The following ONECUT1 variants were observed in gnomAD, a reference collection of about 807,000 sequenced individuals.
ONECUT1 encodes one cut homeobox 1, also known as hepatocyte nuclear factor 6.
In ONECUT1, 12 loss-of-function variants were observed where a neutral mutation model predicts 25.6. The ratio of observed to expected loss-of-function variants is 0.47; its 90% CI spans 0.30 to 0.76. The LOEUF (loss-of-function observed/expected upper bound fraction) is 0.76. Ranked by LOEUF, ONECUT1 falls within the 30% of genes least tolerant of loss-of-function variation. ONECUT1 has a pLI of 0.07. For synonymous variants in ONECUT1, 285 were observed against 270.2 expected (o/e 1.05, Z -0.54); for missense variants, 620 against 651.2 (o/e 0.95, Z 0.52).
intron 1 of ONECUT1, among the ~76,000 whole-genome samples, chr15:52,772,818 T>G (rs147422979): frequency 1.3e-5 from 2 of 152,364 alleles, no homozygotes; most frequent in East Asian, 3.9e-4. Flanking sequence ...TAGTTTGTAC[T>G]GGGCTTGTTT....
At position 52,790,066 on chromosome 15, in the gene ONECUT1, CGTGTGTGTGT is replaced by C. The variant is rs72061188; in HGVS notation, c.-192_-183del. The C allele has an allele frequency of 2.9e-6, 2 of 697,558 alleles. No homozygotes were observed. Among genetic ancestry groups the C allele is most frequent in the South Asian group, 5.1e-5 (1 of 19,720 alleles). 43.2% of individuals were successfully genotyped at this position (697,558 alleles called of 1,614,324 possible). A position where few individuals can be genotyped will look rare whatever the true frequency, so the allele number is the denominator to read the frequency against. On this transcript the variant is annotated 5_prime_UTR_variant, in exon 1 of 2. Coordinates refer to ENST00000305901, the MANE Select transcript of ONECUT1 (RefSeq NM_004498.4). The stretch of plus-strand genomic sequence containing the variant: ...GTGTGTGTGTCCGTGTGTGCGTGTG[CGTGTGTGTGT>C]GTGTGTGTGTCTCGCCTTCCCTCTT...
intron 1 of ONECUT1, among the ~76,000 whole-genome samples, chr15:52,761,875 G>T (rs1176124468): frequency 1.3e-5 from 2 of 152,168 alleles, no homozygotes; most frequent in Non-Finnish European, 2.9e-5. Flanking sequence ...GTTTTATGAG[G>T]ATAGTAACCA....
In ONECUT1 at chr15:52,789,640, G is replaced by A; in HGVS notation, c.245C>T (p.Pro82Leu). The change falls in exon 1 of 2, where the codon CCC (proline) becomes CTC (leucine). Residue 82 changes from proline (P) to leucine (L), a missense_variant. Physicochemically the swap from Pro to Leu is moderately conservative, Grantham distance 98. Around this residue, in one of 4 missense-constraint regions of ONECUT1, gnomAD observed 440 missense variants for 404.9 expected, o/e 1.09. Transcript: ENST00000305901. The surrounding 1 kb of genome is among the most constrained non-coding windows in gnomAD (Gnocchi z 4.1). ...GGCCATGGTCATGGTGGGATGCAGG[G>A]GGCCGGCCAGGCTGTGCTCAGGGGC... is the stretch of plus-strand genomic sequence containing the variant. ...HRAPEHSLAGPLHPTMTMACE... is the reference protein window; with the variant it reads ...HRAPEHSLAGLLHPTMTMACE... 1 of 1,554,550 alleles carries A rather than the reference G, an allele frequency of 6.4e-7. No homozygotes were observed. The highest frequency in any genetic ancestry group is 8.7e-7 in the Non-Finnish European group (1 of 1,150,464).
At chr15:52,779,282 G>A (rs1399641881) in intron 1 of ONECUT1, among the ~76,000 whole-genome samples, 1 of 151,712 alleles carries the variant, frequency 6.6e-6, no homozygotes, top group Non-Finnish European at 1.5e-5. Context: ...TACAGACAGG[G>A]TTTCACCCTG....
At chr15:52,778,136 A>G (rs1396766903) in intron 1 of ONECUT1, among the ~76,000 whole-genome samples, 1 of 152,224 alleles carries the variant, frequency 6.6e-6, no homozygotes, top group Non-Finnish European at 1.5e-5. Flanking sequence ...TATATGTAAG[A>G]TATGAAGCAC....
rs1003518673 is a variant in ONECUT1, at chr15:52,760,463, G to A, written c.1106-2616C>T. On this transcript the variant is annotated intron_variant, in intron 1 of 1. Coordinates refer to ENST00000305901, the MANE Select transcript of ONECUT1 (RefSeq NM_004498.4). ...TTGCTCTTAAGGATGCCAGATTTAA[G>A]TAAATAACTGCACATAAGCAATTAA... 3.9e-5 allele frequency among the ~76,000 whole-genome samples: 6 copies of A among 152,184 alleles called. 1 individual carries two copies. Among genetic ancestry groups the A allele is most frequent in the Middle Eastern group, 6.3e-3 (2 of 316 alleles).
At chr15:52,766,235 CTT>C (rs76480336) in intron 1 of ONECUT1, among the ~76,000 whole-genome samples, 75 of 143,104 alleles carry the variant, frequency 5.2e-4, no homozygotes, top group East Asian at 1.0e-3. Context: ...GGTATTCTTC[CTT>C]TTTTTTTTTT....
intron 1 of ONECUT1, among the ~76,000 whole-genome samples, chr15:52,782,384 G>A (rs2083846941): frequency 6.6e-6 from 1 of 152,132 alleles, no homozygotes. Context: ...AACTTCGTTA[G>A]TATTAACATA....
chr15:52,772,037 A>T (rs12101908), intron 1 of ONECUT1, among the ~76,000 whole-genome samples: 1 of 151,950 alleles, frequency 6.6e-6, no homozygotes, highest in Non-Finnish European at 1.5e-5. Context: ...CTCTCCCCAC[A>T]GTGAACTTGT....
intron 1 of ONECUT1, among the ~76,000 whole-genome samples, chr15:52,778,614 G>A (rs2083819450): frequency 6.6e-6 from 1 of 152,320 alleles, no homozygotes; most frequent in East Asian, 1.9e-4. Context: ...TAGAACACAA[G>A]CAATGGAATC....
chr15:52,769,086 CT>C (rs778137675), intron 1 of ONECUT1, among the ~76,000 whole-genome samples: 1 of 152,212 alleles, frequency 6.6e-6, no homozygotes, highest in Non-Finnish European at 1.5e-5. Context: ...AATGTCCTTC[CT>C]TTTCTCTTTT....
At chr15:52,782,385 T>C (rs2083846955) in intron 1 of ONECUT1, among the ~76,000 whole-genome samples, 1 of 152,206 alleles carries the variant, frequency 6.6e-6, no homozygotes, top group Non-Finnish European at 1.5e-5. Flanking sequence ...ACTTCGTTAG[T>C]ATTAACATAC....
At chr15:52,775,185 C>T (rs1273676292) in intron 1 of ONECUT1, among the ~76,000 whole-genome samples, 8 of 83,884 alleles carry the variant, frequency 9.5e-5, no homozygotes, top group Non-Finnish European at 1.6e-4. Flanking sequence ...GCAAGACTGT[C>T]TAAAAAAAAA....
intron 1 of ONECUT1, among the ~76,000 whole-genome samples, chr15:52,773,258 G>GAC: frequency 6.6e-6 from 1 of 151,908 alleles, no homozygotes; most frequent in South Asian, 2.1e-4. Context: ...GAGAGAGAGA[G>GAC]AGGTAGATTA....
chr15:52,774,174 T>C (rs2083785229), intron 1 of ONECUT1, among the ~76,000 whole-genome samples: 1 of 147,712 alleles, frequency 6.8e-6, no homozygotes, highest in South Asian at 2.1e-4. Context: ...CAGAGGGTTA[T>C]CTGTGTGGGG....
intron 1 of ONECUT1, among the ~76,000 whole-genome samples, chr15:52,761,395 GCA>G (rs1038460933): frequency 1.3e-5 from 2 of 152,170 alleles, no homozygotes; most frequent in African/African-American, 2.4e-5. Flanking sequence ...GTAGGGCCAG[GCA>G]CAGTTTCTCA....
chr15:52,775,588 G>A (rs1305380371), intron 1 of ONECUT1, among the ~76,000 whole-genome samples: 3 of 152,046 alleles, frequency 2.0e-5, no homozygotes, highest in Non-Finnish European at 2.9e-5. Context: ...TAGGGAATAT[G>A]ATTGGGAGGA....
At chr15:52,765,081 G>C (rs1016617404) in intron 1 of ONECUT1, among the ~76,000 whole-genome samples, 2 of 152,192 alleles carry the variant, frequency 1.3e-5, no homozygotes, top group Non-Finnish European at 2.9e-5. Context: ...TGGGGCTTCA[G>C]GGGTAGGGAA....
At chr15:52,780,766 G>A in intron 1 of ONECUT1, 8 of 1,425,974 alleles carry the variant, frequency 5.6e-6, no homozygotes, top group Middle Eastern at 1.8e-4. Context: ...CAACAGGAAA[G>A]AAAGCAAAAA....
Sources: gnomAD v4.1 joint callset for allele counts (sites outside exome capture counted in the v4.1 genomes callset) on GRCh38, gnomAD v4.1.1 for gene constraint, gnomAD v4.1.1 regional missense constraint, Gnocchi (gnomAD v3.1) non-coding constraint, MANE v1.5 for transcripts, NCBI Gene and HGNC (gene_info 2026-07-23, HGNC 2026-07-21) for gene names.